SAMD4B: variants seen among roughly 807,000 people sequenced by gnomAD.
SAMD4B encodes protein Smaug homolog 2.
Under a neutral mutation model 74.5 loss-of-function variants are expected in SAMD4B, and 5 were observed. That is an observed-to-expected ratio of 0.07 (90% CI 0.04 to 0.14). The LOEUF (loss-of-function observed/expected upper bound fraction) is 0.14. SAMD4B is among the 10% of genes least tolerant of loss of function. SAMD4B has a pLI of 1.00. For missense variants in SAMD4B, 608 were observed against 921.8 expected (o/e 0.66, Z 4.41); for synonymous variants, 373 against 374.9 (o/e 1.00, Z 0.06).
At chr19:39,349,031 G>A (rs886881379) in intron 1 of SAMD4B, among the ~76,000 whole-genome samples, 5 of 152,198 alleles carry the variant, frequency 3.3e-5, no homozygotes, top group South Asian at 2.1e-4. Flanking sequence ...GGCATGGCAA[G>A]GTGAAATCAC....
intron 3 of SAMD4B, among the ~76,000 whole-genome samples, chr19:39,366,788 A>G (rs1003432783): frequency 6.6e-6 from 1 of 152,138 alleles, no homozygotes; most frequent in Non-Finnish European, 1.5e-5. Context: ...ATCCTGAAGC[A>G]TGCTAGATGT....
rs777739369 is a variant in SAMD4B, at chr19:39,357,114, G to A, written c.196+25G>A. ...GGTGAGTTTCCACCCTTAGAGATGG[G>A]AGCACAGCAGGAGGGAGACCTGGAA... On this transcript the variant is annotated intron_variant, in intron 3 of 13. Transcript: ENST00000610417. The A allele has an allele frequency of 3.2e-6, 5 of 1,574,846 alleles. No homozygotes were observed. In the South Asian group the frequency reaches 5.7e-5, roughly 18 times the overall value.
chr19:39,370,431 T>G (rs1300291017), intron 4 of SAMD4B, among the ~76,000 whole-genome samples: 1 of 152,182 alleles, frequency 6.6e-6, no homozygotes, highest in Non-Finnish European at 1.5e-5. Flanking sequence ...TCTTGAGAAG[T>G]CAAAAGATCT....
At chr19:39,387,660 C>T (rs926529134), downstream of SAMD4B, among the ~76,000 whole-genome samples, 1 of 152,182 alleles carries the variant, frequency 6.6e-6, no homozygotes, top group Non-Finnish European at 1.5e-5. Flanking sequence ...AAACTTTGAG[C>T]CATAAGGGAA....
chr19:39,345,471 C>G (rs1030579805), intron 1 of SAMD4B, among the ~76,000 whole-genome samples: 10 of 152,174 alleles, frequency 6.6e-5, no homozygotes, highest in Admixed American at 1.3e-4. Flanking sequence ...ATTGCTGCTT[C>G]TTTGAACACA....
rs547033947 is a variant in SAMD4B at position 39,377,718 on chromosome 19, C to T, written c.1338C>T (p.Asn446=). ...TEAKDPPAVE[N]YPPPPAPAPT... The stretch of plus-strand genomic sequence containing the variant: ...CCAAGGACCCTCCAGCTGTGGAGAA[C>T]TACCCACCTCCACCAGCTCCAGCTC... The change falls in exon 8 of 14, where the codon AAC becomes AAT. Residue 446 remains asparagine (N), a synonymous_variant. Coordinates refer to ENST00000610417, the MANE Select transcript of SAMD4B (RefSeq NM_001384574.2). 5.0e-5 allele frequency: 81 copies of T among 1,614,262 alleles called. 1 individual carries two copies. The South Asian group carries it at 8.7e-4, about 17-fold the overall frequency.
In SAMD4B at chr19:39,381,119, G is replaced by A. The variant is rs755611599; in HGVS notation, c.1972+6G>A. On this transcript the variant is annotated splice_donor_region_variant and intron_variant, in intron 12 of 13. Transcript: ENST00000610417. ...CATTCTCATGTTCCCTCCAGGTGAG[G>A]TGCCCCACCCTTGGGACTCTGCCTG... 7 of 1,596,990 alleles carry A rather than the reference G, an allele frequency of 4.4e-6. No individual in the cohort carries two copies. In the African/African-American group the frequency reaches 8.1e-5, roughly 18 times the overall value.
chr19:39,352,379 GTCT>G (rs2076089159), intron 1 of SAMD4B: 3 of 151,360 alleles, frequency 2.0e-5, no homozygotes, highest in African/African-American at 4.9e-5. Context: ...CCACAGGTAT[GTCT>G]TCTTCTGTGT....
chr19:39,386,685 G>T (rs184761036), downstream of SAMD4B: 640 of 1,609,296 alleles, frequency 4.0e-4, 3 homozygotes, highest in African/African-American at 7.0e-3. The surrounding 1 kb of genome is among the most constrained non-coding windows in gnomAD (Gnocchi z 6.1). Flanking sequence ...AGCCAGTGGT[G>T]CTTGTTACCT....
intron 1 of SAMD4B, among the ~76,000 whole-genome samples, chr19:39,347,843 A>C (rs2075793243): frequency 6.6e-6 from 1 of 152,212 alleles, no homozygotes; most frequent in South Asian, 2.1e-4. Flanking sequence ...TCATTAATGC[A>C]TGGAGGCACT....
At position 39,380,041 on chromosome 19, in the gene SAMD4B, C is replaced by T. The variant is rs766851887; in HGVS notation, c.1606C>T (p.Arg536Cys). Residue 536 changes from arginine to cysteine, a missense_variant, in exon 10 of 14, where the codon CGC becomes TGC. This residue lies in a region of SAMD4B where 167 missense variants were observed against 193.0 expected (regional missense o/e 0.87). Transcript: ENST00000610417. ...QVLKLLRTFP[R>C]KAALEMQNYR... ...GCTGAAGCTCCTCCGGACATTCCCGCGCAAAGCCGCACTAGAGATGCAGAA... is the reference window on the plus strand; with the variant it reads ...GCTGAAGCTCCTCCGGACATTCCCGTGCAAAGCCGCACTAGAGATGCAGAA... The T allele has an allele frequency of 6.8e-6, 11 of 1,613,844 alleles. No individual in the cohort carries two copies. Among genetic ancestry groups the T allele is most frequent in the South Asian group, 1.1e-5 (1 of 90,990 alleles).
intron 2 of SAMD4B, among the ~76,000 whole-genome samples, chr19:39,354,873 AT>A (rs751956014): frequency 1.3e-5 from 2 of 151,560 alleles, no homozygotes; most frequent in East Asian, 1.9e-4. Context: ...TTTGTTTAAA[AT>A]TTTTTTTTCT....
chr19:39,381,150 C>T (rs1600590476), intron 12 of SAMD4B, 37 bp downstream of exon 12: 2 of 1,546,382 alleles, frequency 1.3e-6, no homozygotes, highest in Non-Finnish European at 1.7e-6. Context: ...GCCTGGCCAA[C>T]ATCCTCAGCT....
chr19:39,390,337 C>CT (rs1170407110), downstream of SAMD4B: 13 of 1,564,672 alleles, frequency 8.3e-6, no homozygotes, highest in Admixed American at 2.0e-4. Context: ...ACGGGATTGA[C>CT]AGGAGAATGA....
chr19:39,390,505 A>G (rs1227774739), downstream of SAMD4B, among the ~76,000 whole-genome samples: 1 of 152,232 alleles, frequency 6.6e-6, no homozygotes, highest in East Asian at 1.9e-4. Context: ...AACAAGGCCA[A>G]GTGCTCAATC....
At chr19:39,388,500 C>T, downstream of SAMD4B, 2 of 1,614,108 alleles carry the variant, frequency 1.2e-6, no homozygotes, top group South Asian at 2.2e-5. Context: ...AGCCCCATTT[C>T]TTCCCTATCC....
chr19:39,348,332 TTGATGA>T (rs2145220444), intron 1 of SAMD4B: 1 of 152,330 alleles, frequency 6.6e-6, no homozygotes, highest in African/African-American at 2.4e-5. Context: ...GAAACATCTC[TTGATGA>T]TGATATCATA....
intron 5 of SAMD4B, 110 bp from the exon 6 acceptor site, chr19:39,376,327 A>C: frequency 3.6e-6 from 3 of 832,550 alleles, no homozygotes; most frequent in South Asian, 3.2e-5. Flanking sequence ...ACCCCCTCCC[A>C]ATTTTTTGCA....
At chr19:39,358,901 A>G (rs1430295670) in intron 3 of SAMD4B, among the ~76,000 whole-genome samples, 1 of 152,226 alleles carries the variant, frequency 6.6e-6, no homozygotes. Context: ...CACCTGCCTT[A>G]GCAACAGTCA....
Sources: allele counts gnomAD v4.1 joint callset (sites outside exome capture counted in the v4.1 genomes callset), GRCh38; gene constraint gnomAD v4.1.1; regional missense constraint gnomAD v4.1.1; non-coding constraint Gnocchi (gnomAD v3.1); transcripts MANE v1.5; gene names NCBI Gene and HGNC (gene_info 2026-07-23, HGNC 2026-07-21).